Variants in SLC36A1 observed in about 807,000 individuals in gnomAD.
SLC36A1 encodes the protein proton-coupled amino acid transporter 1.
Under a neutral mutation model 47.5 loss-of-function variants are expected in SLC36A1, and 30 were observed. That is an observed-to-expected ratio of 0.63 (90% confidence interval 0.47 to 0.86). The LOEUF is 0.86. SLC36A1 is among the 40% of genes least tolerant of loss of function. The pLI, the probability that SLC36A1 is intolerant of heterozygous loss-of-function variation, is 0.00. For missense variants in SLC36A1, 517 were observed against 606.0 expected (o/e 0.85, Z 1.54); for synonymous variants, 255 against 249.7 (o/e 1.02, Z -0.20).
the SLC36A1 span, among the ~76,000 whole-genome samples, chr5:151,502,275 G>A: frequency 6.9e-6 from 1 of 145,682 alleles, no homozygotes; most frequent in Non-Finnish European, 1.5e-5. Context: ...CTGTGCCACT[G>A]CACTTCAGCC....
At position 151,462,884 on chromosome 5, in the gene SLC36A1, T is replaced by TG. The variant is rs1202573626; in HGVS notation, c.144-669_144-668insG. Among the ~76,000 whole-genome samples, 666 of 149,738 alleles carry TG rather than the reference T, an allele frequency of 4.4e-3. 4 individuals are homozygous for TG. The highest frequency in any genetic ancestry group is 0.02 in the Middle Eastern group (6 of 294). ...TTGCAGTTTTGGGATCTGAGTCTTT[T>TG]TTTTTTTTTGAGATGGAGTCTCCCT... On this transcript the variant is annotated intron_variant, in intron 2 of 10. Transcript: ENST00000243389.
chr5:151,553,458 G>C, the SLC36A1 span: 1 of 1,337,882 alleles, frequency 7.5e-7, no homozygotes, highest in South Asian at 1.3e-5. Flanking sequence ...GCCAGGACAG[G>C]AACCAGAGCG....
chr5:151,388,500 T>C, the SLC36A1 span, among the ~76,000 whole-genome samples: 1 of 39,296 alleles, frequency 2.5e-5, no homozygotes, highest in Non-Finnish European at 4.2e-5. Flanking sequence ...AAACTCCATC[T>C]CAAAAGAAAA....
downstream of SLC36A1, among the ~76,000 whole-genome samples, chr5:151,493,832 T>C (rs892015763): frequency 6.6e-6 from 1 of 152,210 alleles, no homozygotes; most frequent in Non-Finnish European, 1.5e-5. Context: ...TCCTGAGGGT[T>C]AGAGAGAATG....
the SLC36A1 span, among the ~76,000 whole-genome samples, chr5:151,547,750 C>T: frequency 6.6e-6 from 1 of 152,030 alleles, no homozygotes; most frequent in Non-Finnish European, 1.5e-5. Context: ...TATATAATAT[C>T]ACACTGCTGA....
At chr5:151,367,399 C>T in the SLC36A1 span, among the ~76,000 whole-genome samples, 1 of 130,634 alleles carries the variant, frequency 7.7e-6, no homozygotes, top group Non-Finnish European at 1.6e-5. Context: ...TATTAATATT[C>T]CTTGCTAGGA....
At chr5:151,505,478 A>T in the SLC36A1 span, 1 of 1,524,610 alleles carries the variant, frequency 6.6e-7, no homozygotes. Context: ...TCTCCCAGCC[A>T]CACTCAACTC....
At chr5:151,394,813 C>T in the SLC36A1 span, among the ~76,000 whole-genome samples, 6 of 152,218 alleles carry the variant, frequency 3.9e-5, no homozygotes, top group African/African-American at 1.4e-4. Context: ...TCTGCCCCTA[C>T]TGGGGGGTGC....
At chr5:151,460,103 G>A (rs1318699653) in intron 2 of SLC36A1, among the ~76,000 whole-genome samples, 1 of 152,130 alleles carries the variant, frequency 6.6e-6, no homozygotes, top group Non-Finnish European at 1.5e-5. Context: ...CAGCAGTGTG[G>A]ATCACCCTGC....
At chr5:151,397,324 C>T in the SLC36A1 span, among the ~76,000 whole-genome samples, 1,207 of 152,198 alleles carry the variant, frequency 7.9e-3, 22 homozygotes, top group African/African-American at 0.028. Context: ...GAGCACAAAG[C>T]GGGGAGCGGA....
At chr5:151,465,001 G>C in intron 4 of SLC36A1, 73 bp from the exon 5 acceptor site, 1 of 1,208,036 alleles carries the variant, frequency 8.3e-7, no homozygotes, top group South Asian at 1.2e-5. Flanking sequence ...GGTCTCAGTG[G>C]CTCTTTTTGT....
chr5:151,532,183 C>A, the SLC36A1 span, among the ~76,000 whole-genome samples: 1 of 152,170 alleles, frequency 6.6e-6, no homozygotes, highest in African/African-American at 2.4e-5. Context: ...TTGGGGGAAC[C>A]TAATCTGCAA....
At chr5:151,496,967 T>A (rs1760362315), downstream of SLC36A1, among the ~76,000 whole-genome samples, 1 of 152,250 alleles carries the variant, frequency 6.6e-6, no homozygotes, top group Non-Finnish European at 1.5e-5. Flanking sequence ...TATTTTAATC[T>A]TGTATCCTGT....
chr5:151,448,570 C>T (rs1335024340), intron 1 of SLC36A1, among the ~76,000 whole-genome samples: 2 of 152,196 alleles, frequency 1.3e-5, no homozygotes, highest in East Asian at 3.8e-4. Flanking sequence ...TCGGAATGTG[C>T]TTCTGGGAAG....
At chr5:151,507,224 C>T in the SLC36A1 span, 103 of 1,612,932 alleles carry the variant, frequency 6.4e-5, no homozygotes, top group Non-Finnish European at 7.8e-5. Flanking sequence ...CCGCAGCTGG[C>T]GGGAGTCTGG....
chr5:151,505,836 C>T, the SLC36A1 span: 35 of 1,613,182 alleles, frequency 2.2e-5, no homozygotes, highest in East Asian at 3.6e-4. Context: ...CAGGCGCTCC[C>T]GGGGACTAGG....
At chr5:151,420,633 A>G in the SLC36A1 span, among the ~76,000 whole-genome samples, 6 of 152,172 alleles carry the variant, frequency 3.9e-5, no homozygotes, top group Non-Finnish European at 7.3e-5. Flanking sequence ...TTCATTTAAA[A>G]ATATAGCAGT....
chr5:151,347,427 C>G, the SLC36A1 span: 77 of 1,614,038 alleles, frequency 4.8e-5, no homozygotes, highest in Non-Finnish European at 6.3e-5. Flanking sequence ...GCAACGGCTC[C>G]CTGGGGACCC....
At chr5:151,408,216 TCTCA>T in the SLC36A1 span, among the ~76,000 whole-genome samples, 1 of 152,166 alleles carries the variant, frequency 6.6e-6, no homozygotes, top group Non-Finnish European at 1.5e-5. Flanking sequence ...TGAGACGGAG[TCTCA>T]CTCTGTCACC....
Sources: allele counts gnomAD v4.1 joint callset (sites outside exome capture counted in the v4.1 genomes callset), GRCh38; gene constraint gnomAD v4.1.1; transcripts MANE v1.5; gene names NCBI Gene and HGNC (gene_info 2026-07-23, HGNC 2026-07-21).